The following SEMA5A variants were observed in gnomAD, a reference collection of about 807,000 sequenced individuals.
The protein encoded by SEMA5A is semaphorin-5A.
In SEMA5A, 55 loss-of-function variants were observed where a neutral mutation model predicts 135.5. The ratio of observed to expected loss-of-function variants is 0.41; its 90% CI spans 0.33 to 0.51. The LOEUF is 0.51. SEMA5A is among the 20% of genes least tolerant of loss of function. The probability of loss-of-function intolerance (pLI) is 0.37; values close to 1 mark genes in which losing one functional copy is unlikely to be tolerated. For synonymous variants in SEMA5A, 580 were observed against 546.5 expected, an observed-to-expected ratio of 1.06 and a Z score of -0.85; for missense variants, 1,290 against 1,419.9, an observed-to-expected ratio of 0.91 and a Z score of 1.47.
chr5:9,086,896 T>G (rs1054686837), intron 16 of SEMA5A, among the ~76,000 whole-genome samples: 2 of 152,246 alleles, frequency 1.3e-5, no homozygotes, highest in African/African-American at 4.8e-5. Context: ...CATTTGATTT[T>G]ATTTTCTTTT....
chr5:9,520,764 G>A (rs1736782991), intron 1 of SEMA5A, among the ~76,000 whole-genome samples: 1 of 152,140 alleles, frequency 6.6e-6, no homozygotes, highest in Non-Finnish European at 1.5e-5. Flanking sequence ...GCCAAACTGA[G>A]GACATTTGAC....
At chr5:9,124,670 G>A (rs1741009532) in intron 13 of SEMA5A, among the ~76,000 whole-genome samples, 1 of 152,108 alleles carries the variant, frequency 6.6e-6, no homozygotes, top group African/African-American at 2.4e-5. Flanking sequence ...TGGCCAGGCT[G>A]GTCTCGAACT....
At position 9,053,978 on chromosome 5, in the gene SEMA5A, C is replaced by T. The variant is rs1345713712; in HGVS notation, c.2689+109G>A. 6 of 1,299,620 alleles carry T rather than the reference C, an allele frequency of 4.6e-6. No homozygotes were observed. In the African/African-American group the frequency reaches 7.5e-5, roughly 16 times the overall value. 80.5% of individuals were successfully genotyped at this position (1,299,620 alleles called of 1,614,324 possible). On this transcript the variant is annotated intron_variant, in intron 19 of 22. Coordinates refer to ENST00000382496, the MANE Select transcript of SEMA5A (RefSeq NM_003966.3). ...AATAGCATGTTGCTAACTTGCCCAC[C>T]CCCCTTTCAGTACTTACCATGATGC...
At chr5:9,408,002 C>T (rs1009219424) in intron 2 of SEMA5A, among the ~76,000 whole-genome samples, 1 of 151,136 alleles carries the variant, frequency 6.6e-6, no homozygotes, top group Non-Finnish European at 1.5e-5. Flanking sequence ...GCCATCATCA[C>T]CATCACTACC....
At chr5:9,145,750 T>C (rs1036769721) in intron 12 of SEMA5A, among the ~76,000 whole-genome samples, 1 of 148,716 alleles carries the variant, frequency 6.7e-6, no homozygotes, top group Non-Finnish European at 1.5e-5. Flanking sequence ...GCAATTCCCC[T>C]GCCTCAGCCT....
intron 1 of SEMA5A, among the ~76,000 whole-genome samples, chr5:9,453,976 C>T (rs1758740375): frequency 6.6e-6 from 1 of 152,204 alleles, no homozygotes; most frequent in African/African-American, 2.4e-5. Context: ...GCTACCTACT[C>T]ACTCCTGAAA....
intron 10 of SEMA5A, among the ~76,000 whole-genome samples, chr5:9,194,803 C>T (rs1325187502): frequency 6.6e-6 from 1 of 152,194 alleles, no homozygotes; most frequent in Non-Finnish European, 1.5e-5. Context: ...GACTGGCTTC[C>T]ATCCCATAAT....
intron 13 of SEMA5A, among the ~76,000 whole-genome samples, chr5:9,125,325 C>A (rs762822865): frequency 1.3e-5 from 2 of 152,128 alleles, no homozygotes; most frequent in Non-Finnish European, 2.9e-5. Flanking sequence ...TAGAGCAATT[C>A]TTTTCTTTTT....
At chr5:9,455,857 T>C (rs1324694801) in intron 1 of SEMA5A, among the ~76,000 whole-genome samples, 4 of 152,160 alleles carry the variant, frequency 2.6e-5, no homozygotes, top group Non-Finnish European at 4.4e-5. Flanking sequence ...ACTAAAATTT[T>C]GAACTGAAAA....
chr5:9,508,737 C>T (rs1472986287), intron 1 of SEMA5A, among the ~76,000 whole-genome samples: 1 of 152,162 alleles, frequency 6.6e-6, no homozygotes, highest in African/African-American at 2.4e-5. Context: ...TCTATTTTCC[C>T]TTCCACAGCC....
At chr5:9,272,754 C>T (rs570968866) in intron 5 of SEMA5A, among the ~76,000 whole-genome samples, 42 of 152,192 alleles carry the variant, frequency 2.8e-4, no homozygotes, top group African/African-American at 8.4e-4. Flanking sequence ...AACTCCAACA[C>T]GCCTGCAGAA....
At chr5:9,177,763 G>T (rs1217407433) in intron 11 of SEMA5A, among the ~76,000 whole-genome samples, 41 of 152,302 alleles carry the variant, frequency 2.7e-4, no homozygotes, top group Non-Finnish European at 1.5e-5. Context: ...TGTGGATTTT[G>T]ACTTTGAACC....
intron 2 of SEMA5A, among the ~76,000 whole-genome samples, chr5:9,393,479 A>C (rs1380940552): frequency 6.6e-6 from 1 of 152,194 alleles, no homozygotes; most frequent in African/African-American, 2.4e-5. Context: ...CTGGATCCAG[A>C]TCACCTGGGT....
chr5:9,087,171 T>A (rs1738743651), intron 16 of SEMA5A, among the ~76,000 whole-genome samples: 1 of 152,226 alleles, frequency 6.6e-6, no homozygotes, highest in Non-Finnish European at 1.5e-5. Flanking sequence ...GTTGCTCACC[T>A]GCTCCCTAAA....
At chr5:9,434,618 T>C (rs1165226131) in intron 2 of SEMA5A, among the ~76,000 whole-genome samples, 4 of 152,186 alleles carry the variant, frequency 2.6e-5, no homozygotes, top group African/African-American at 4.8e-5. Context: ...AGTCTGTGTT[T>C]ATTTTTAAGA....
At position 9,226,855 on chromosome 5, in the gene SEMA5A, A is replaced by G. The variant is rs1747339823; in HGVS notation, c.432+14T>C. On this transcript the variant is annotated intron_variant, in intron 7 of 22. Coordinates refer to ENST00000382496, the MANE Select transcript of SEMA5A (RefSeq NM_003966.3). ...TGATATTAAATTCTTTTGAGGCACAAAAAGAAGCCATACCGAGCGGTTGGT... is the reference window on the plus strand; with the variant it reads ...TGATATTAAATTCTTTTGAGGCACAGAAAGAAGCCATACCGAGCGGTTGGT... 1.3e-6 allele frequency: 2 copies of G among 1,595,882 alleles called. No individual in the cohort carries two copies. Among genetic ancestry groups the G allele is most frequent in the Non-Finnish European group, 1.7e-6 (2 of 1,168,862 alleles).
chr5:9,412,646 C>T (rs1579500430), intron 2 of SEMA5A, among the ~76,000 whole-genome samples: 4 of 134,668 alleles, frequency 3.0e-5, no homozygotes, highest in Admixed American at 8.2e-5. Context: ...AACAAGTTAT[C>T]GTGGGGATAG....
Position 9,043,036 on chromosome 5 carries a change from A to AT in SEMA5A, c.3106-21_3106-20insA. 1 of 1,591,862 alleles carries AT rather than the reference A, an allele frequency of 6.3e-7. No individual in the cohort carries two copies. The highest frequency in any genetic ancestry group is 8.6e-7 in the Non-Finnish European group (1 of 1,165,822). On this transcript the variant is annotated intron_variant, in intron 22 of 22. Coordinates refer to ENST00000382496, the MANE Select transcript of SEMA5A (RefSeq NM_003966.3). ...AAATGCCTGGAAAATATATTAAAAA[A>AT]AAACAGGTTTAAGAATGCTGAGTAG...
At chr5:9,117,714 G>T (rs1230554192) in intron 15 of SEMA5A, among the ~76,000 whole-genome samples, 2 of 152,140 alleles carry the variant, frequency 1.3e-5, no homozygotes, top group Non-Finnish European at 2.9e-5. Flanking sequence ...TTCAGATTAG[G>T]AATGTTCAAC....
Sources: gnomAD v4.1 joint callset for allele counts (sites outside exome capture counted in the v4.1 genomes callset) on GRCh38, gnomAD v4.1.1 for gene constraint, MANE v1.5 for transcripts, NCBI Gene and HGNC (gene_info 2026-07-23, HGNC 2026-07-21) for gene names.